Variants in MAPK10 observed in about 807,000 individuals in gnomAD.
The protein encoded by MAPK10 is JNK3 alpha protein kinase.
MAPK10 carries 25 observed loss-of-function variants against 59.3 expected under a neutral mutation model. The ratio of observed to expected loss-of-function variants is 0.42; its 90% CI spans 0.31 to 0.59. MAPK10 has a LOEUF of 0.59. MAPK10 is among the 20% of genes least tolerant of loss of function. The pLI, the probability that MAPK10 is intolerant of heterozygous loss-of-function variation, is 0.15. For synonymous variants in MAPK10, 190 were observed against 200.5 expected (o/e 0.95, Z 0.44); for missense variants, 351 against 568.9 (o/e 0.62, Z 3.90).
chr4:86,544,509 G>C (rs1758989348), intron 1 of MAPK10, among the ~76,000 whole-genome samples: 1 of 152,152 alleles, frequency 6.6e-6, no homozygotes, highest in South Asian at 2.1e-4. Context: ...GTTGCTTCAA[G>C]TCACAAATGC....
intron 2 of MAPK10, among the ~76,000 whole-genome samples, chr4:86,265,599 T>C (rs1268402329): frequency 6.6e-6 from 1 of 152,072 alleles, no homozygotes; most frequent in Non-Finnish European, 1.5e-5. Context: ...TAACCATTTA[T>C]ATAACTTGAA....
intron 5 of MAPK10, among the ~76,000 whole-genome samples, chr4:86,104,545 G>A (rs1331333772): frequency 6.6e-6 from 1 of 151,974 alleles, no homozygotes; most frequent in East Asian, 1.9e-4. Context: ...ATCTCATAAA[G>A]TAATTTATTT....
intron 4 of MAPK10, among the ~76,000 whole-genome samples, chr4:86,139,547 G>T (rs2063113860): frequency 6.6e-6 from 1 of 152,052 alleles, no homozygotes; most frequent in Admixed American, 6.6e-5. Flanking sequence ...ATGGATTAAA[G>T]ACTTAAACGT....
chr4:86,338,452 AT>A (rs1278853049), intron 2 of MAPK10, among the ~76,000 whole-genome samples: 1 of 152,066 alleles, frequency 6.6e-6, no homozygotes, highest in Non-Finnish European at 1.5e-5. Context: ...TCACCCTGGT[AT>A]TTGGGCTTCT....
chr4:86,197,421 CTT>C (rs1485172225), intron 2 of MAPK10, among the ~76,000 whole-genome samples: 1 of 152,144 alleles, frequency 6.6e-6, no homozygotes, highest in East Asian at 1.9e-4. Flanking sequence ...CATCCTGAGA[CTT>C]TGCTCAAATT....
rs934155329 is a variant in MAPK10, at chr4:86,438,921, C to T, written c.-122+14109G>A. On this transcript the variant is annotated intron_variant, in intron 1 of 13. Coordinates refer to the MAPK10 transcript ENST00000361569. The stretch of plus-strand genomic sequence containing the variant: ...CCCAGGAATGGGCCTACTTTAGTAT[C>T]CCAACTAGTCACTAGCAAATGCAGC... Among the ~76,000 whole-genome samples the T allele has an allele frequency of 2.6e-4, 40 of 152,184 alleles. 1 individual carries two copies. The highest frequency in any genetic ancestry group is 3.4e-3 in the Middle Eastern group (1 of 294).
chr4:86,457,949 G>C (rs999902569), upstream of MAPK10: 4 of 152,108 alleles, frequency 2.6e-5, no homozygotes, highest in Admixed American at 6.6e-5. Flanking sequence ...ATCACCTGAG[G>C]TCAGGAGTTT....
At chr4:86,075,497 G>T (rs1329487775) in intron 9 of MAPK10, among the ~76,000 whole-genome samples, 1 of 152,150 alleles carries the variant, frequency 6.6e-6, no homozygotes, top group Non-Finnish European at 1.5e-5. Flanking sequence ...CAGTTTTTCT[G>T]TTCTGTTTTT....
intron 1 of MAPK10, among the ~76,000 whole-genome samples, chr4:86,466,464 G>A (rs529889978): frequency 2.6e-5 from 4 of 152,282 alleles, no homozygotes; most frequent in East Asian, 1.9e-4. Context: ...GATATGGCCC[G>A]TTGTAGGCCA....
intron 1 of MAPK10, among the ~76,000 whole-genome samples, chr4:86,470,646 T>C (rs989075471): frequency 6.6e-6 from 1 of 152,186 alleles, no homozygotes; most frequent in African/African-American, 2.4e-5. Flanking sequence ...CTTTTTGTTT[T>C]TTCATTCTAT....
intron 4 of MAPK10, among the ~76,000 whole-genome samples, chr4:86,109,682 G>A (rs948508549): frequency 7.9e-5 from 12 of 152,138 alleles, no homozygotes; most frequent in South Asian, 4.1e-4. Context: ...CGTGCATAGC[G>A]CTGCAATGGA....
At chr4:86,067,473 G>A (rs994869079) in intron 10 of MAPK10, among the ~76,000 whole-genome samples, 4 of 151,972 alleles carry the variant, frequency 2.6e-5, no homozygotes, top group South Asian at 2.1e-4. Context: ...TCTAAAATCC[G>A]TGGCTACTCC....
rs973494214 is a variant in MAPK10 at position 86,517,724 on chromosome 4, AG to A, written c.-263+76185del. ...AATATTAGGGTAATACTGGGTTCAT[AG>A]AATGATTTGGGGAGGATTGCCTCTA... On this transcript the variant is annotated intron_variant, in intron 1 of 4. Transcript: ENST00000502302. 1.8e-4 allele frequency among the ~76,000 whole-genome samples: 28 copies of A among 152,158 alleles called. 1 individual carries two copies. Among genetic ancestry groups the A allele is most frequent in the Non-Finnish European group, 8.8e-5 (6 of 68,030 alleles).
chr4:86,425,830 G>A (rs970186920), intron 1 of MAPK10, among the ~76,000 whole-genome samples: 1 of 152,134 alleles, frequency 6.6e-6, no homozygotes, highest in Non-Finnish European at 1.5e-5. Flanking sequence ...AATTAGCTGG[G>A]CATGGTGGCA....
At chr4:86,269,612 AT>A (rs1296886420) in intron 2 of MAPK10, among the ~76,000 whole-genome samples, 4 of 151,912 alleles carry the variant, frequency 2.6e-5, no homozygotes, top group Non-Finnish European at 5.9e-5. Flanking sequence ...AATTCACATT[AT>A]TTTTTCCTCC....
At chr4:86,236,329 G>T (rs1336501350) in intron 2 of MAPK10, among the ~76,000 whole-genome samples, 1 of 152,170 alleles carries the variant, frequency 6.6e-6, no homozygotes, top group East Asian at 1.9e-4. Flanking sequence ...ATTGGGAGGA[G>T]GGTGAGGAAG....
rs879470340 is a variant in MAPK10 at position 86,014,302 on chromosome 4, G to GT, written c.*2925_*2926insA. On this transcript the variant is annotated 3_prime_UTR_variant, in exon 14 of 14. Coordinates refer to ENST00000641462, the MANE Select transcript of MAPK10 (RefSeq NM_138982.4). Reference sequence around the variant, plus strand: ...CAGGTGACTATTTAAGAAATATTTGGGGTGTGTGTGTGTGTGTGTGTGTGT... The same window carrying GT: ...CAGGTGACTATTTAAGAAATATTTGGTGGTGTGTGTGTGTGTGTGTGTGTGT... The GT allele has an allele frequency of 0.021, 2,504 of 119,014 alleles. 29 individuals are homozygous for GT. Among genetic ancestry groups the GT allele is most frequent in the Middle Eastern group, 0.066 (16 of 242 alleles). 7.4% of individuals were successfully genotyped at this position (119,014 alleles called of 1,614,324 possible).
At chr4:86,569,804 A>T (rs184328432) in intron 1 of MAPK10, among the ~76,000 whole-genome samples, 14 of 152,200 alleles carry the variant, frequency 9.2e-5, no homozygotes, top group African/African-American at 3.4e-4. Context: ...TCCAAAAGGT[A>T]GGTGGGTGAG....
At chr4:86,041,680 A>G (rs940446680) in intron 11 of MAPK10, among the ~76,000 whole-genome samples, 3 of 152,234 alleles carry the variant, frequency 2.0e-5, no homozygotes, top group Non-Finnish European at 2.9e-5. Context: ...GACACTTCTC[A>G]AAAGAAGACA....
Sources: gnomAD v4.1 joint callset for allele counts (sites outside exome capture counted in the v4.1 genomes callset) on GRCh38, gnomAD v4.1.1 for gene constraint, MANE v1.5 for transcripts, NCBI Gene and HGNC (gene_info 2026-07-23, HGNC 2026-07-21) for gene names.